UGT2B11: variants seen among roughly 807,000 people sequenced by gnomAD.
UGT2B11 encodes UDP glucuronosyltransferase family 2 member B11.
UGT2B11 carries 49 observed loss-of-function variants against 51.7 expected under a neutral mutation model. That is an observed-to-expected ratio of 0.95 (90% CI 0.75 to 1.20). UGT2B11 has a LOEUF of 1.20. Among genes scored for constraint, UGT2B11 ranks in the 50% most tolerant of loss-of-function variants. The pLI, the probability that UGT2B11 is intolerant of heterozygous loss-of-function variation, is 0.00. For synonymous variants in UGT2B11, 273 were observed against 209.0 expected, an observed-to-expected ratio of 1.31 and a Z score of -2.64; for missense variants, 810 against 622.1, an observed-to-expected ratio of 1.30 and a Z score of -3.21.
chr4:69,214,392 G>T lies in UGT2B11; in HGVS notation c.331C>A (p.Gln111Lys), dbSNP rs753403511. Residue 111 changes from glutamine (Q) to lysine (K), a missense_variant, in exon 1 of 6, where the codon CAA (glutamine) becomes AAA (lysine). Transcript: ENST00000446444. ...RKDSFWLYFS[Q>K]EQEILWELYD... ...AATTCCCACAGGATTTCTTGTTCTT[G>T]TGAAAAATATAACCAAAAGCTATCT... The T allele has an allele frequency of 6.2e-7, 1 of 1,612,584 alleles. No homozygotes were observed. The highest frequency in any genetic ancestry group is 1.3e-5 in the African/African-American group (1 of 74,738).
Position 69,214,631 on chromosome 4 carries a change from G to A in UGT2B11, c.92C>T (p.Ala31Val), listed in dbSNP as rs1038277413. 6.2e-7 allele frequency: 1 copy of A among 1,613,178 alleles called. No homozygotes were observed. Among genetic ancestry groups the A allele is most frequent in the Non-Finnish European group, 8.5e-7 (1 of 1,179,376 alleles). ...GSCGKVLVWA[A>V]EYSHWMNMKT... is the part of the protein sequence containing the mutation. Reference sequence around the variant, plus strand: ...CATATTCATCCAATGGCTGTATTCTGCGGCCCACACCAGCACTTTTCCACA... The same window carrying A: ...CATATTCATCCAATGGCTGTATTCTACGGCCCACACCAGCACTTTTCCACA... The change falls in exon 1 of 6, where the codon GCA becomes GTA. Residue 31 changes from alanine (A) to valine (V), a missense_variant. Coordinates refer to ENST00000446444, the MANE Select transcript of UGT2B11 (RefSeq NM_001073.3).
chr4:69,214,882 G>T, upstream of UGT2B11: 1 of 1,134,316 alleles, frequency 8.8e-7, no homozygotes, highest in Non-Finnish European at 1.2e-6. Context: ...AACAAAGTTC[G>T]ATTACTTCAT....
rs747178313 is a variant in UGT2B11 at position 69,200,768 on chromosome 4, C to T, written c.1311-49G>A. ...CAACACTGAAAGTAAGTTAATTTGCCTGTACATATCAAGTCTATGAAAGGC... is the reference window on the plus strand; with the variant it reads ...CAACACTGAAAGTAAGTTAATTTGCTTGTACATATCAAGTCTATGAAAGGC... On this transcript the variant is annotated intron_variant, in intron 5 of 5. Transcript: ENST00000446444. The T allele has an allele frequency of 1.3e-5, 20 of 1,532,406 alleles. No individual in the cohort carries two copies. The Admixed American group carries it at 1.4e-4, about 11-fold the overall frequency. 94.9% of individuals were successfully genotyped at this position (1,532,406 alleles called of 1,614,324 possible). A position where few individuals can be genotyped will look rare whatever the true frequency, so the allele number is the denominator to read the frequency against.
intron 5 of UGT2B11, among the ~76,000 whole-genome samples, chr4:69,202,341 T>G (rs1446424737): frequency 6.6e-6 from 1 of 151,780 alleles, no homozygotes; most frequent in African/African-American, 2.4e-5. Context: ...TATGATTTAC[T>G]TCTTGACTGT....
intron 2 of UGT2B11, among the ~76,000 whole-genome samples, chr4:69,210,097 A>G (rs900908098): frequency 6.6e-5 from 10 of 151,490 alleles, no homozygotes; most frequent in African/African-American, 2.4e-4. Context: ...ATCCTGCGAA[A>G]ACTTCCATCT....
intron 2 of UGT2B11, among the ~76,000 whole-genome samples, chr4:69,209,423 C>A (rs1297245761): frequency 1.3e-5 from 2 of 151,668 alleles, no homozygotes; most frequent in South Asian, 2.1e-4. Flanking sequence ...CTCACACACA[C>A]CACATTACAC....
In UGT2B11 at chr4:69,200,533, G is replaced by A; in HGVS notation, c.1497C>T (p.Ala499=). Residue 499 remains alanine (A), a synonymous_variant, in exon 6 of 6, where the codon GCC becomes GCT. Transcript: ENST00000446444. ...TGATAAATATCACAGTTGCCACACA[G>A]GCCAGCAGAAACCCAATCACATCCA... is the stretch of plus-strand genomic sequence containing the variant. The part of the protein sequence containing the change: ...HSLDVIGFLL[A]CVATVIFIIT... The A allele has an allele frequency of 6.2e-7, 1 of 1,612,232 alleles. No homozygotes were observed. Among genetic ancestry groups the A allele is most frequent in the Non-Finnish European group, 8.5e-7 (1 of 1,178,932 alleles).
intron 5 of UGT2B11, among the ~76,000 whole-genome samples, chr4:69,202,737 C>G (rs1721705551): frequency 6.6e-6 from 1 of 151,674 alleles, no homozygotes; most frequent in Non-Finnish European, 1.5e-5. Flanking sequence ...TTTGTATAAT[C>G]ACATTTAAAT....
At chr4:69,205,589 C>A (rs1337349848) in intron 3 of UGT2B11, 22 bp from the exon 4 acceptor site, 1 of 1,605,812 alleles carries the variant, frequency 6.2e-7, no homozygotes, top group Admixed American at 1.7e-5. Flanking sequence ...AAGAGAATAT[C>A]TTATTCCATG....
At chr4:69,208,779 A>G (rs1721952368) in intron 2 of UGT2B11, among the ~76,000 whole-genome samples, 1 of 151,646 alleles carries the variant, frequency 6.6e-6, no homozygotes, top group South Asian at 2.1e-4. Flanking sequence ...GTTAAAAAAT[A>G]TACCCAGACC....
At chr4:69,212,458 C>T in intron 2 of UGT2B11, 115 bp downstream of exon 2, 3 of 1,517,236 alleles carry the variant, frequency 2.0e-6, no homozygotes, top group Non-Finnish European at 1.8e-6. Flanking sequence ...TGCTTTACAC[C>T]ACCTACTTCC....
chr4:69,212,392 T>A (rs1261777542), intron 2 of UGT2B11, among the ~76,000 whole-genome samples, 181 bp downstream of exon 2: 2 of 151,688 alleles, frequency 1.3e-5, no homozygotes, highest in African/African-American at 2.4e-5. Context: ...GTAATATGCA[T>A]AAAACTCACA....
At chr4:69,208,947 C>A (rs1467218238) in intron 2 of UGT2B11, among the ~76,000 whole-genome samples, 1 of 151,594 alleles carries the variant, frequency 6.6e-6, no homozygotes, top group Non-Finnish European at 1.5e-5. Flanking sequence ...GGTCTACTTC[C>A]CTAAATATGA....
At chr4:69,213,908 A>T (rs536175359) in intron 1 of UGT2B11, 94 bp downstream of exon 1, 5 of 1,436,648 alleles carry the variant, frequency 3.5e-6, no homozygotes, top group South Asian at 3.3e-5. Context: ...CTTACCAAAA[A>T]CTCCACTTCC....
At chr4:69,218,604 C>G (rs1006517272), upstream of UGT2B11, among the ~76,000 whole-genome samples, 6 of 151,870 alleles carry the variant, frequency 4.0e-5, no homozygotes, top group African/African-American at 1.5e-4. Context: ...AGAAAAGTCT[C>G]CTTGGAAGTG....
upstream of UGT2B11, chr4:69,215,742 G>C (rs1722252607): frequency 6.6e-6 from 1 of 151,924 alleles, no homozygotes; most frequent in African/African-American, 2.4e-5. Context: ...CACCAACAAT[G>C]TATGAGGGTT....
upstream of UGT2B11, chr4:69,214,805 A>G: frequency 1.3e-6 from 2 of 1,530,052 alleles, no homozygotes; most frequent in Non-Finnish European, 1.8e-6. Context: ...AAGTTAAAAT[A>G]TAACTCCTCC....
In UGT2B11 at chr4:69,212,648, T is replaced by C. The variant is rs771826041; in HGVS notation, c.795A>G (p.Gln265=). 11 of 1,610,704 alleles carry C rather than the reference T, an allele frequency of 6.8e-6. No homozygotes were observed. The highest frequency in any genetic ancestry group is 2.2e-5 in the South Asian group (2 of 90,914). ...IWLMRNSWSF[Q]FPHPFLPNVD... ...CGTTTGGTAAGAATGGATGAGGAAA[T>C]TGAAAACTCCAGGAGTTTCGCATAA... The change falls in exon 2 of 6, where the codon CAA becomes CAG. Residue 265 remains glutamine (Q), a synonymous_variant. Coordinates refer to ENST00000446444, the MANE Select transcript of UGT2B11 (RefSeq NM_001073.3).
rs747953091 is a variant in UGT2B11 at position 69,205,543 on chromosome 4, T to G, written c.1027A>C (p.Lys343Gln). The stretch of plus-strand genomic sequence containing the variant: ...GTATTGAGACCTAAGGCATCTGGTT[T>G]ATTCCCGTCAAATCTCCACAGAACC... ...QKVLWRFDGN[K>Q]PDALGLNTRL... Residue 343 changes from lysine (K) to glutamine (Q), a missense_variant, in exon 4 of 6, where the codon AAA becomes CAA. Physicochemically the swap from Lys to Gln is moderately conservative, Grantham distance 53. Transcript: ENST00000446444. 4.3e-6 allele frequency: 7 copies of G among 1,610,470 alleles called. No individual in the cohort carries two copies. The highest frequency in any genetic ancestry group is 5.1e-6 in the Non-Finnish European group (6 of 1,177,870).
Sources: gnomAD v4.1 joint callset for allele counts (sites outside exome capture counted in the v4.1 genomes callset) on GRCh38, gnomAD v4.1.1 for gene constraint, MANE v1.5 for transcripts, NCBI Gene and HGNC (gene_info 2026-07-23, HGNC 2026-07-21) for gene names.